Variants in UTRN observed in about 807,000 individuals in gnomAD.
The protein encoded by UTRN is dystrophin-related protein 1.
UTRN carries 283 observed loss-of-function variants against 463.9 expected under a neutral mutation model. That is an observed-to-expected ratio of 0.61 (90% CI 0.55 to 0.67). The LOEUF (loss-of-function observed/expected upper bound fraction) is 0.67, where lower values mean the gene tolerates loss of function less well. Ranked by LOEUF, UTRN falls within the 30% of genes least tolerant of loss-of-function variation. The probability of loss-of-function intolerance (pLI) is 0.00; values close to 1 mark genes in which losing one functional copy is unlikely to be tolerated. For synonymous variants in UTRN, 1,442 were observed against 1,431.5 expected, an observed-to-expected ratio of 1.01 and a Z score of -0.17; for missense variants, 3,922 against 4,084.3, an observed-to-expected ratio of 0.96 and a Z score of 1.08.
intron 70 of UTRN, 54 bp from the exon 71 acceptor site, chr6:144,836,247 G>T: frequency 6.2e-7 from 1 of 1,608,266 alleles, no homozygotes; most frequent in Non-Finnish European, 8.5e-7. Flanking sequence ...GACGATTTTG[G>T]AGAGACGATA....
intron 34 of UTRN, among the ~76,000 whole-genome samples, chr6:144,506,576 T>C (rs934699192): frequency 1.3e-5 from 2 of 152,234 alleles, no homozygotes; most frequent in African/African-American, 4.8e-5. Context: ...TTTAAGAATG[T>C]TGAATATTAG....
intron 2 of UTRN, among the ~76,000 whole-genome samples, chr6:144,392,488 T>C (rs1782026375): frequency 6.6e-6 from 1 of 152,248 alleles, no homozygotes; most frequent in East Asian, 1.9e-4. Flanking sequence ...AGTGGGAGAA[T>C]ATTTCTAACA....
At chr6:144,329,782 A>G (rs1469646510) in intron 2 of UTRN, among the ~76,000 whole-genome samples, 4 of 152,226 alleles carry the variant, frequency 2.6e-5, no homozygotes, top group African/African-American at 9.6e-5. Flanking sequence ...TGATGGCTTA[A>G]AATGAGTATT....
At chr6:144,849,860 A>G (rs1332370238) in intron 74 of UTRN, among the ~76,000 whole-genome samples, 1 of 152,194 alleles carries the variant, frequency 6.6e-6, no homozygotes, top group Non-Finnish European at 1.5e-5. Context: ...CCAGAGTTTC[A>G]GTTATCAATA....
At chr6:144,709,714 G>A (rs1785471051) in intron 53 of UTRN, among the ~76,000 whole-genome samples, 1 of 152,148 alleles carries the variant, frequency 6.6e-6, no homozygotes, top group Non-Finnish European at 1.5e-5. Flanking sequence ...TTTGTGAAGA[G>A]ACAAAGAACT....
At chr6:144,824,577 TATATA>T (rs1779938475) in intron 66 of UTRN, among the ~76,000 whole-genome samples, 5 of 25,944 alleles carry the variant, frequency 1.9e-4, no homozygotes, top group South Asian at 4.5e-3. Flanking sequence ...TTTATTTATA[TATATA>T]TATATATATA....
At position 144,835,896 on chromosome 6, in the gene UTRN, G is replaced by A; in HGVS notation, c.9782G>A (p.Gly3261Glu). 2 of 1,614,132 alleles carry A rather than the reference G, an allele frequency of 1.2e-6. No individual in the cohort carries two copies. The highest frequency in any genetic ancestry group is 1.7e-6 in the Non-Finnish European group (2 of 1,179,986). ...AAGTCAGTAGAGAGGGAAGAACGTGGAGAACTGGAGAGGATCATTGCTGAC... is the reference window on the plus strand; with the variant it reads ...AAGTCAGTAGAGAGGGAAGAACGTGAAGAACTGGAGAGGATCATTGCTGAC... ...ILKSVEREERGELERIIADLE... is the reference protein window; with the variant it reads ...ILKSVEREEREELERIIADLE... The change falls in exon 70 of 75, where the codon GGA becomes GAA. Residue 3261 changes from glycine (G) to glutamate (E), a missense_variant. This residue lies in a region of UTRN where 1,309 missense variants were observed against 1,452.6 expected (regional missense o/e 0.90). Coordinates refer to ENST00000367545, the MANE Select transcript of UTRN (RefSeq NM_007124.3).
In UTRN at chr6:144,511,138, A is replaced by G; in HGVS notation, c.4944+15A>G. 6.7e-7 allele frequency: 1 copy of G among 1,502,438 alleles called. No individual in the cohort carries two copies. The highest frequency in any genetic ancestry group is 1.3e-5 in the South Asian group (1 of 76,038). 93.1% of individuals were successfully genotyped at this position (1,502,438 alleles called of 1,614,324 possible). A position where few individuals can be genotyped will look rare whatever the true frequency, so the allele number is the denominator to read the frequency against. Reference sequence around the variant, plus strand: ...ATACCTTGATGGTATGTCTCAGGAAAAAGTAAATGATGAAATCTTCTCCTC... The same window carrying G: ...ATACCTTGATGGTATGTCTCAGGAAGAAGTAAATGATGAAATCTTCTCCTC... On this transcript the variant is annotated intron_variant, in intron 35 of 74. Transcript: ENST00000367545.
intron 65 of UTRN, among the ~76,000 whole-genome samples, chr6:144,807,738 G>T (rs555617684): frequency 6.6e-6 from 1 of 152,194 alleles, no homozygotes; most frequent in African/African-American, 2.4e-5. Flanking sequence ...TACCAATTAG[G>T]ATTTGATTCT....
chr6:144,561,912 G>A (rs1160208068), intron 50 of UTRN, among the ~76,000 whole-genome samples: 1 of 152,096 alleles, frequency 6.6e-6, no homozygotes, highest in Non-Finnish European at 1.5e-5. Context: ...GGTTAAATTA[G>A]CAGAAGGTTG....
chr6:144,490,220 C>T, intron 31 of UTRN, 21 bp downstream of exon 31: 1 of 1,575,194 alleles, frequency 6.3e-7, no homozygotes. Context: ...CCAGGAGCTT[C>T]CTTTTACTTT....
chr6:144,825,410 T>G (rs2128755289), intron 66 of UTRN, among the ~76,000 whole-genome samples: 1 of 152,322 alleles, frequency 6.6e-6, no homozygotes, highest in East Asian at 1.9e-4. Context: ...AGCTTATCAT[T>G]TAATCTTTTT....
At chr6:144,708,446 C>A in intron 53 of UTRN, 1 of 621,760 alleles carries the variant, frequency 1.6e-6, no homozygotes, top group South Asian at 1.6e-5. Flanking sequence ...GGCTCTGACT[C>A]CTCGGGCCTC....
chr6:144,315,765 G>C (rs1775243793), intron 2 of UTRN, among the ~76,000 whole-genome samples: 1 of 152,206 alleles, frequency 6.6e-6, no homozygotes, highest in Admixed American at 6.5e-5. Context: ...GCAGTGGACA[G>C]ATTTCAGGCA....
intron 61 of UTRN, among the ~76,000 whole-genome samples, chr6:144,788,935 C>T (rs564792705): frequency 5.9e-5 from 9 of 152,176 alleles, no homozygotes; most frequent in Admixed American, 5.9e-4. Context: ...TTAGTTCGTT[C>T]TTCTTAGTTT....
chr6:144,622,036 T>C (rs1483974156), intron 51 of UTRN, among the ~76,000 whole-genome samples: 2 of 152,110 alleles, frequency 1.3e-5, no homozygotes, highest in African/African-American at 4.8e-5. Flanking sequence ...ATTGTATTCG[T>C]GACATGTTTT....
At chr6:144,427,808 C>G (rs928403687) in intron 7 of UTRN, among the ~76,000 whole-genome samples, 1 of 152,080 alleles carries the variant, frequency 6.6e-6, no homozygotes, top group Non-Finnish European at 1.5e-5. Flanking sequence ...CTTTTATGTG[C>G]TAGACACAGG....
At chr6:144,768,958 G>T (rs5880613) in intron 58 of UTRN, among the ~76,000 whole-genome samples, 35,981 of 109,142 alleles carry the variant, frequency 0.33, 6,371 homozygotes, top group East Asian at 0.56. Context: ...GTTTTGTTTT[G>T]TTTTTTTTTT....
chr6:144,338,010 T>C (rs895010867), intron 2 of UTRN, among the ~76,000 whole-genome samples: 1 of 152,232 alleles, frequency 6.6e-6, no homozygotes, highest in Admixed American at 6.5e-5. Flanking sequence ...CCCATTAGTA[T>C]ACTCATATGG....
Sources: gnomAD v4.1 joint callset for allele counts (sites outside exome capture counted in the v4.1 genomes callset) on GRCh38, gnomAD v4.1.1 for gene constraint, gnomAD v4.1.1 regional missense constraint, MANE v1.5 for transcripts, NCBI Gene and HGNC (gene_info 2026-07-23, HGNC 2026-07-21) for gene names.